USH2A: variants seen among roughly 807,000 people sequenced by gnomAD.
USH2A encodes the protein usherin.
USH2A carries 443 observed loss-of-function variants against 538.9 expected under a neutral mutation model. The ratio of observed to expected loss-of-function variants is 0.82; its 90% CI spans 0.76 to 0.89. USH2A has a LOEUF of 0.89. Ranked by LOEUF, USH2A falls within the 40% of genes least tolerant of loss-of-function variation. USH2A has a pLI of 0.00. For missense variants in USH2A, 6,633 were observed against 6,324.8 expected, an observed-to-expected ratio of 1.05 and a Z score of -1.65; for synonymous variants, 2,413 against 2,273.5, an observed-to-expected ratio of 1.06 and a Z score of -1.75.
chr1:215,642,885 G>C (rs1400127799), intron 67 of USH2A, among the ~76,000 whole-genome samples: 5 of 152,124 alleles, frequency 3.3e-5, no homozygotes, highest in Non-Finnish European at 5.9e-5. Flanking sequence ...CTCCACTGAA[G>C]GGGGATTCAA....
In USH2A at chr1:215,806,198, C is replaced by T. The variant is rs567992057; in HGVS notation, c.9740-7073G>A. Among the ~76,000 whole-genome samples the T allele has an allele frequency of 3.3e-5, 5 of 152,090 alleles. No homozygotes were observed. In the South Asian group the frequency reaches 6.2e-4, roughly 19 times the overall value. On this transcript the variant is annotated intron_variant, in intron 49 of 71. Coordinates refer to ENST00000307340, the MANE Select transcript of USH2A (RefSeq NM_206933.4). ...TTCTAGGAATAACCAAATGTCTCAG[C>T]GGTACACATATCAAATAATTTTCAG... is the stretch of plus-strand genomic sequence containing the variant.
chr1:216,028,662 AT>A (rs1323149650), intron 32 of USH2A, among the ~76,000 whole-genome samples: 3 of 152,138 alleles, frequency 2.0e-5, no homozygotes, highest in Admixed American at 1.3e-4. Flanking sequence ...GCGGAAAAAA[AT>A]AACTGTCATA....
At chr1:216,109,357 T>G (rs115901381) in intron 21 of USH2A, among the ~76,000 whole-genome samples, 240 of 152,206 alleles carry the variant, frequency 1.6e-3, no homozygotes, top group African/African-American at 5.2e-3. Flanking sequence ...CCATCTACAA[T>G]AGCATACTCC....
intron 21 of USH2A, among the ~76,000 whole-genome samples, chr1:216,116,210 A>G (rs112198925): frequency 0.025 from 3,777 of 152,192 alleles, 171 homozygotes; most frequent in African/African-American, 0.084. Flanking sequence ...TATATAAATT[A>G]TATTTCATAT....
intron 61 of USH2A, 137 bp downstream of exon 61, chr1:215,727,893 T>C (rs183825832): frequency 2.9e-6 from 3 of 1,051,554 alleles, no homozygotes; most frequent in African/African-American, 1.6e-5. Flanking sequence ...CGTGACTACA[T>C]TGCAACTTTT....
At chr1:216,090,221 T>C (rs2032263749) in intron 22 of USH2A, among the ~76,000 whole-genome samples, 1 of 151,748 alleles carries the variant, frequency 6.6e-6, no homozygotes, top group Non-Finnish European at 1.5e-5. Flanking sequence ...AAAGAGAAAA[T>C]AGATAATTGT....
At chr1:216,120,909 C>T (rs997956995) in intron 21 of USH2A, among the ~76,000 whole-genome samples, 2 of 151,798 alleles carry the variant, frequency 1.3e-5, no homozygotes, top group South Asian at 4.2e-4. Context: ...TTACATGAGA[C>T]AGCAAGAACA....
At chr1:215,807,486 G>A (rs1662536291) in intron 49 of USH2A, among the ~76,000 whole-genome samples, 1 of 152,106 alleles carries the variant, frequency 6.6e-6, no homozygotes, top group African/African-American at 2.4e-5. Context: ...GTCAATAGTG[G>A]TAGCATACAA....
At chr1:216,337,013 T>C (rs1044776028) in intron 4 of USH2A, among the ~76,000 whole-genome samples, 10 of 151,524 alleles carry the variant, frequency 6.6e-5, no homozygotes, top group Admixed American at 3.3e-4. Context: ...GAATAGTCTG[T>C]GGGCATCAAA....
At chr1:216,157,078 T>C (rs1012379716) in intron 21 of USH2A, among the ~76,000 whole-genome samples, 3 of 152,132 alleles carry the variant, frequency 2.0e-5, no homozygotes, top group African/African-American at 7.2e-5. Context: ...TTCACCATGT[T>C]GACCAGGATG....
intron 32 of USH2A, among the ~76,000 whole-genome samples, chr1:216,006,138 C>T (rs988229399): frequency 1.3e-5 from 2 of 152,118 alleles, no homozygotes; most frequent in African/African-American, 2.4e-5. Context: ...CTTTAACTTC[C>T]TCAAATGCAA....
At position 215,645,987 on chromosome 1, in the gene USH2A, T is replaced by C. The variant is rs111606145; in HGVS notation, c.14791+1535A>G. On this transcript the variant is annotated intron_variant, in intron 67 of 71. Transcript: ENST00000307340. Reference sequence around the variant, plus strand: ...AATATTGTATAGCCATTAAAATTGGTGGCTAAAGAGTTTTTTTAATGCCAC... The same window carrying C: ...AATATTGTATAGCCATTAAAATTGGCGGCTAAAGAGTTTTTTTAATGCCAC... Among the ~76,000 whole-genome samples, 541 of 152,024 alleles carry C rather than the reference T, an allele frequency of 3.6e-3. 3 individuals carry two copies. The highest frequency in any genetic ancestry group is 0.013 in the African/African-American group (525 of 41,484).
At chr1:215,880,167 A>G (rs1664870538) in intron 41 of USH2A, among the ~76,000 whole-genome samples, 1 of 152,210 alleles carries the variant, frequency 6.6e-6, no homozygotes, top group South Asian at 2.1e-4. Flanking sequence ...TTATATGTAC[A>G]TTTGTACCCC....
chr1:216,259,416 T>C (rs1429233911), intron 11 of USH2A, among the ~76,000 whole-genome samples: 1 of 152,104 alleles, frequency 6.6e-6, no homozygotes, highest in Non-Finnish European at 1.5e-5. Context: ...AGGTTACCAC[T>C]AGAAGATGTT....
chr1:216,067,702 TGGC>T (rs1279894273), intron 30 of USH2A, among the ~76,000 whole-genome samples: 1 of 151,958 alleles, frequency 6.6e-6, no homozygotes, highest in African/African-American at 2.4e-5. Flanking sequence ...ATTGACTGGG[TGGC>T]TGGAGGTATC....
rs987837049 is a variant in USH2A, at chr1:215,887,885, C to T, written c.8223+541G>A. On this transcript the variant is annotated intron_variant, in intron 41 of 71. Transcript: ENST00000307340. ...CTCCTGTTTGGTTACACTAATTTCC[C>T]TTGAATGAAGTTTGTATGCCAGCCA... Among the ~76,000 whole-genome samples, 4 of 152,196 alleles carry T rather than the reference C, an allele frequency of 2.6e-5. 1 individual carries two copies. In the South Asian group the frequency reaches 6.2e-4, roughly 24 times the overall value.
intron 21 of USH2A, among the ~76,000 whole-genome samples, chr1:216,144,094 T>C (rs2033648787): frequency 6.6e-6 from 1 of 152,228 alleles, no homozygotes; most frequent in Non-Finnish European, 1.5e-5. Flanking sequence ...TTTTATCTTC[T>C]AAGTATTATG....
rs1222766347 is a variant in USH2A, at chr1:216,213,192, T to C, written c.3157+4195A>G. On this transcript the variant is annotated intron_variant, in intron 15 of 71. Transcript: ENST00000307340. Reference sequence around the variant, plus strand: ...ACACAACTAATTTTGTGTGTTGATCTTGTAACATAGAACATTGCTGAATTT... The same window carrying C: ...ACACAACTAATTTTGTGTGTTGATCCTGTAACATAGAACATTGCTGAATTT... 1.3e-5 allele frequency among the ~76,000 whole-genome samples: 2 copies of C among 152,160 alleles called. 1 individual carries two copies. Among genetic ancestry groups the C allele is most frequent in the Admixed American group, 1.3e-4 (2 of 15,262 alleles).
chr1:216,330,434 A>C (rs1259226051), intron 4 of USH2A, among the ~76,000 whole-genome samples: 1 of 151,952 alleles, frequency 6.6e-6, no homozygotes, highest in East Asian at 1.9e-4. Flanking sequence ...TTGACAGGGG[A>C]ATGGGAATGA....
Sources: allele counts gnomAD v4.1 joint callset (sites outside exome capture counted in the v4.1 genomes callset), GRCh38; gene constraint gnomAD v4.1.1; transcripts MANE v1.5; gene names NCBI Gene and HGNC (gene_info 2026-07-23, HGNC 2026-07-21).